Variants in SPATA31D4 observed in about 807,000 individuals in gnomAD.
SPATA31D4 encodes the protein SPATA31 subfamily D member 4.
For missense variants in SPATA31D4, 73 were observed against 279.1 expected, an observed-to-expected ratio of 0.26 and a Z score of 5.26; for synonymous variants, 23 against 102.8, an observed-to-expected ratio of 0.22 and a Z score of 4.70.
chr9:81,932,854 A>G lies in SPATA31D4; in HGVS notation c.2693A>G (p.Lys898Arg), dbSNP rs1426296502. ...TCCTTCCTTAGTTCCAACAAACAAA[A>G]GATGTTGGAAGCCCATATTAAATCT... Reference protein sequence around the residue: ...EMSFLSSNKQKMLEAHIKSFH... With the variant: ...EMSFLSSNKQRMLEAHIKSFH... Residue 898 changes from lysine to arginine, a missense_variant, in exon 4 of 4, where the codon AAG becomes AGG. Coordinates refer to ENST00000419782, the MANE Select transcript of SPATA31D4 (RefSeq NM_001145197.1). 1.3e-6 allele frequency: 2 copies of G among 1,509,326 alleles called. No homozygotes were observed. Among genetic ancestry groups the G allele is most frequent in the African/African-American group, 1.4e-5 (1 of 70,374 alleles). The allele number at this position is 1,509,326 out of a possible 1,614,324, so 93.5% of individuals were successfully genotyped here. A position where few individuals can be genotyped will look rare whatever the true frequency, so the allele number is the denominator to read the frequency against.
intron 3 of SPATA31D4, 38 bp downstream of exon 3, chr9:81,930,198 C>CTTA (rs1199158406): frequency 1.9e-4 from 81 of 428,458 alleles, no homozygotes; most frequent in Non-Finnish European, 2.3e-4. Flanking sequence ...TTCCCACCGC[C>CTTA]TTCTTTTTTT....
chr9:81,932,339 TG>T lies in SPATA31D4; in HGVS notation c.2180del (p.Gly727ValfsTer3). The T allele has an allele frequency of 9.4e-7, 1 of 1,062,802 alleles. No individual in the cohort carries two copies. The highest frequency in any genetic ancestry group is 1.3e-6 in the Non-Finnish European group (1 of 760,266). 65.8% of individuals were successfully genotyped at this position (1,062,802 alleles called of 1,614,324 possible). On this transcript the variant is annotated frameshift_variant, in exon 4 of 4. Transcript: ENST00000419782. LOFTEE classifies it low-confidence loss of function (END_TRUNC). The stretch of plus-strand genomic sequence containing the variant: ...AGCTATCTGTGTCAGAGAGCATTCA[TG>T]GTCCATTAAATATCTCTTTGGTTGA... Reference protein sequence around the residue: ...SELSVSESIHGPLNISLVEGQ... With the variant: ...SELSVSESIHXPLNISLVEGQ...
rs568369649 is a variant in SPATA31D4, at chr9:81,932,937, G to T, written c.*22G>T. ...ATGAGGATGCTGTGGGGCCTTCCCC[G>T]CAAGATCCGTGAACCCATAGAAATC... is the stretch of plus-strand genomic sequence containing the variant. On this transcript the variant is annotated 3_prime_UTR_variant, in exon 4 of 4. Coordinates refer to ENST00000419782, the MANE Select transcript of SPATA31D4 (RefSeq NM_001145197.1). The T allele has an allele frequency of 1.3e-6, 2 of 1,505,496 alleles. No individual in the cohort carries two copies. Among genetic ancestry groups the T allele is most frequent in the Non-Finnish European group, 1.8e-6 (2 of 1,102,376 alleles). The allele number at this position is 1,505,496 out of a possible 1,614,324, so 93.3% of individuals were successfully genotyped here. A position where few individuals can be genotyped will look rare whatever the true frequency, so the allele number is the denominator to read the frequency against.
intron 3 of SPATA31D4, 72 bp downstream of exon 3, chr9:81,930,232 T>A (rs1218851026): frequency 3.0e-4 from 146 of 480,896 alleles, no homozygotes; most frequent in South Asian, 2.9e-3. Context: ...TTTTGCATGT[T>A]CTATTCATTT....
rs769036196 is a variant in SPATA31D4, at chr9:81,932,828, G to T, written c.2667G>T (p.Met889Ile). The T allele has an allele frequency of 1.0e-5, 16 of 1,530,878 alleles. 1 individual carries two copies. Among genetic ancestry groups the T allele is most frequent in the Non-Finnish European group, 1.3e-5 (15 of 1,117,446 alleles). The allele number at this position is 1,530,878 out of a possible 1,614,324, so 94.8% of individuals were successfully genotyped here. The change falls in exon 4 of 4, where the codon ATG becomes ATT. Residue 889 changes from methionine to isoleucine, a missense_variant. Physicochemically the swap from Met to Ile is conservative, Grantham distance 10 (BLOSUM62 1). Coordinates refer to ENST00000419782, the MANE Select transcript of SPATA31D4 (RefSeq NM_001145197.1). Reference protein sequence around the residue: ...EDHGVDTSQEMSFLSSNKQKM... With the variant: ...EDHGVDTSQEISFLSSNKQKM... Reference sequence around the variant, plus strand: ...ACGGCGTTGATACCTCCCAGGAGATGTCCTTCCTTAGTTCCAACAAACAAA... The same window carrying T: ...ACGGCGTTGATACCTCCCAGGAGATTTCCTTCCTTAGTTCCAACAAACAAA...
Position 81,934,580 on chromosome 9 carries a change from C to A in SPATA31D4, c.*1665C>A. Reference sequence around the variant, plus strand: ...AGTGCAGGTCAGAGCAGAGCCCTTCCAGGGCTATCCCCGCAACTACACAGC... The same window carrying A: ...AGTGCAGGTCAGAGCAGAGCCCTTCAAGGGCTATCCCCGCAACTACACAGC... On this transcript the variant is annotated 3_prime_UTR_variant, in exon 4 of 4. Transcript: ENST00000419782. 3.2e-6 allele frequency: 3 copies of A among 928,184 alleles called. 1 individual carries two copies. The South Asian group carries it at 4.1e-5, about 13-fold the overall frequency. The allele number at this position is 928,184 out of a possible 1,614,324, so 57.5% of individuals were successfully genotyped here.
Position 81,932,815 on chromosome 9 carries a change from C to A in SPATA31D4, c.2654C>A (p.Thr885Asn), listed in dbSNP as rs757693594. ...ALVSEDHGVD[T>N]SQEMSFLSSN... ...GTGAGTGAGGACCACGGCGTTGATA[C>A]CTCCCAGGAGATGTCCTTCCTTAGT... is the stretch of plus-strand genomic sequence containing the variant. The change falls in exon 4 of 4, where the codon ACC becomes AAC. Residue 885 changes from threonine to asparagine, a missense_variant. By Grantham distance (65) the Thr-to-Asn change is moderately conservative. Coordinates refer to ENST00000419782, the MANE Select transcript of SPATA31D4 (RefSeq NM_001145197.1). 241 of 1,533,314 alleles carry A rather than the reference C, an allele frequency of 1.6e-4. 18 individuals carry two copies. In the East Asian group the frequency reaches 5.4e-3, roughly 34 times the overall value. The allele number at this position is 1,533,314 out of a possible 1,614,324, so 95.0% of individuals were successfully genotyped here.
Position 81,933,108 on chromosome 9 carries a change from C to G in SPATA31D4, c.*193C>G, listed in dbSNP as rs952359853. On this transcript the variant is annotated 3_prime_UTR_variant, in exon 4 of 4. Coordinates refer to ENST00000419782, the MANE Select transcript of SPATA31D4 (RefSeq NM_001145197.1). The stretch of plus-strand genomic sequence containing the variant: ...TTTCAAGGAGAAAAGTTGGGAACAA[C>G]AAGCTCAGTCCCTGTCCTTAATCAT... 1 of 1,240,970 alleles carries G rather than the reference C, an allele frequency of 8.1e-7. No individual in the cohort carries two copies. The highest frequency in any genetic ancestry group is 1.4e-5 in the African/African-American group (1 of 69,126). The allele number at this position is 1,240,970 out of a possible 1,614,324, so 76.9% of individuals were successfully genotyped here.
chr9:81,932,820 C>A lies in SPATA31D4; in HGVS notation c.2659C>A (p.Gln887Lys), dbSNP rs780020003. 1.6e-5 allele frequency: 24 copies of A among 1,532,314 alleles called. 4 individuals are homozygous for A. The highest frequency in any genetic ancestry group is 2.1e-5 in the Non-Finnish European group (24 of 1,118,198). The allele number at this position is 1,532,314 out of a possible 1,614,324, so 94.9% of individuals were successfully genotyped here. The change falls in exon 4 of 4, where the codon CAG becomes AAG. Residue 887 changes from glutamine to lysine, a missense_variant. Physicochemically the swap from Gln to Lys is moderately conservative, Grantham distance 53. Transcript: ENST00000419782. ...VSEDHGVDTSQEMSFLSSNKQ... is the reference protein window; with the variant it reads ...VSEDHGVDTSKEMSFLSSNKQ... ...TGAGGACCACGGCGTTGATACCTCC[C>A]AGGAGATGTCCTTCCTTAGTTCCAA...
rs1382123045 is a variant in SPATA31D4, at chr9:81,933,331, C to T, written c.*416C>T. Reference sequence around the variant, plus strand: ...TCTCCATCTTGGGTCATCCTCACCTCGTCACCTCACCTGTTGATCAAGAAA... The same window carrying T: ...TCTCCATCTTGGGTCATCCTCACCTTGTCACCTCACCTGTTGATCAAGAAA... On this transcript the variant is annotated 3_prime_UTR_variant, in exon 4 of 4. Transcript: ENST00000419782. The T allele has an allele frequency of 7.9e-5, 17 of 215,648 alleles. No homozygotes were observed. The highest frequency in any genetic ancestry group is 2.3e-4 in the Admixed American group (3 of 12,944). 13.4% of individuals were successfully genotyped at this position (215,648 alleles called of 1,614,324 possible). A position where few individuals can be genotyped will look rare whatever the true frequency, so the allele number is the denominator to read the frequency against.
Position 81,933,398 on chromosome 9 carries a change from G to A in SPATA31D4, c.*483G>A. 7.7e-6 allele frequency: 1 copy of A among 130,528 alleles called. No individual in the cohort carries two copies. The highest frequency in any genetic ancestry group is 1.4e-5 in the Non-Finnish European group (1 of 72,282). The allele number at this position is 130,528 out of a possible 1,614,324, so 8.1% of individuals were successfully genotyped here. ...AAGAGAATTCGCTGATACTGACGAG[G>A]ATCTTACAGAAAGTGTCTGGACAAC... On this transcript the variant is annotated 3_prime_UTR_variant, in exon 4 of 4. Transcript: ENST00000419782.
rs778137387 is a variant in SPATA31D4 at position 81,932,764 on chromosome 9, T to C, written c.2603T>C (p.Ile868Thr). Residue 868 changes from isoleucine to threonine, a missense_variant, in exon 4 of 4, where the codon ATT becomes ACT. Transcript: ENST00000419782. ...CTTCCTGAGAAATCCCACAGCCAAA[T>C]TAAACATCGAAATTTGGCAGCATTG... Reference protein sequence around the residue: ...ICLPEKSHSQIKHRNLAALVS... With the variant: ...ICLPEKSHSQTKHRNLAALVS... 1 of 1,531,598 alleles carries C rather than the reference T, an allele frequency of 6.5e-7. No homozygotes were observed. Among genetic ancestry groups the C allele is most frequent in the Non-Finnish European group, 8.9e-7 (1 of 1,118,228 alleles). 94.9% of individuals were successfully genotyped at this position (1,531,598 alleles called of 1,614,324 possible). A position where few individuals can be genotyped will look rare whatever the true frequency, so the allele number is the denominator to read the frequency against.
chr9:81,934,169 A>C lies in SPATA31D4; in HGVS notation c.*1254A>C, dbSNP rs1385676974. 1.3e-5 allele frequency: 5 copies of C among 394,722 alleles called. 1 individual carries two copies. Among genetic ancestry groups the C allele is most frequent in the Non-Finnish European group, 2.5e-5 (5 of 202,328 alleles). 24.5% of individuals were successfully genotyped at this position (394,722 alleles called of 1,614,324 possible). A position where few individuals can be genotyped will look rare whatever the true frequency, so the allele number is the denominator to read the frequency against. ...GTTGGGGACATCCCAACTCACTAGA[A>C]AGAGCCTCCCTGTTCATAACAAGGC... On this transcript the variant is annotated 3_prime_UTR_variant, in exon 4 of 4. Coordinates refer to ENST00000419782, the MANE Select transcript of SPATA31D4 (RefSeq NM_001145197.1).
In SPATA31D4 at chr9:81,932,814, A is replaced by G. The variant is rs1434907000; in HGVS notation, c.2653A>G (p.Thr885Ala). The G allele has an allele frequency of 6.5e-7, 1 of 1,532,690 alleles. No individual in the cohort carries two copies. The allele number at this position is 1,532,690 out of a possible 1,614,324, so 94.9% of individuals were successfully genotyped here. ...ALVSEDHGVD[T>A]SQEMSFLSSN... Reference sequence around the variant, plus strand: ...GGTGAGTGAGGACCACGGCGTTGATACCTCCCAGGAGATGTCCTTCCTTAG... The same window carrying G: ...GGTGAGTGAGGACCACGGCGTTGATGCCTCCCAGGAGATGTCCTTCCTTAG... The change falls in exon 4 of 4, where the codon ACC (threonine) becomes GCC (alanine). Residue 885 changes from threonine (T) to alanine (A), a missense_variant. By Grantham distance (58) the Thr-to-Ala change is moderately conservative. Coordinates refer to ENST00000419782, the MANE Select transcript of SPATA31D4 (RefSeq NM_001145197.1).
Position 81,932,997 on chromosome 9 carries a change from C to T in SPATA31D4, c.*82C>T, listed in dbSNP as rs1427874704. ...GAAGAGGATATTTCCAATTCCTTTT[C>T]CCATTTCTACCTTCCCTCCTCAGCC... On this transcript the variant is annotated 3_prime_UTR_variant, in exon 4 of 4. Transcript: ENST00000419782. 1.4e-6 allele frequency: 2 copies of T among 1,442,402 alleles called. No individual in the cohort carries two copies. Among genetic ancestry groups the T allele is most frequent in the South Asian group, 1.3e-5 (1 of 79,308 alleles). 89.4% of individuals were successfully genotyped at this position (1,442,402 alleles called of 1,614,324 possible). A position where few individuals can be genotyped will look rare whatever the true frequency, so the allele number is the denominator to read the frequency against.
Position 81,932,719 on chromosome 9 carries a change from C to G in SPATA31D4, c.2558C>G (p.Ser853Ter), listed in dbSNP as rs1459386478. Residue 853 changes from serine (S) to a stop codon, truncating the protein, a stop_gained, in exon 4 of 4, where the codon TCA becomes TGA. Transcript: ENST00000419782. LOFTEE classifies it low-confidence loss of function (END_TRUNC). ...MPGTVHSSWH[S>*]VKQTICLPEK... is the part of the protein sequence containing the mutation. ...GGGACTGTGCATAGTTCATGGCACT[C>G]AGTCAAGCAGACAATATGTCTTCCT... 6.6e-7 allele frequency: 1 copy of G among 1,517,576 alleles called. No homozygotes were observed. Among genetic ancestry groups the G allele is most frequent in the East Asian group, 2.3e-5 (1 of 43,410 alleles). 94.0% of individuals were successfully genotyped at this position (1,517,576 alleles called of 1,614,324 possible).
chr9:81,934,558 G>T lies in SPATA31D4; in HGVS notation c.*1643G>T. 13 of 786,246 alleles carry T rather than the reference G, an allele frequency of 1.7e-5. 3 individuals carry two copies. The highest frequency in any genetic ancestry group is 2.6e-5 in the Non-Finnish European group (13 of 503,942). The allele number at this position is 786,246 out of a possible 1,614,324, so 48.7% of individuals were successfully genotyped here. ...GGAAAGCTCAGCACAACCCAGAAGT[G>T]CAGGTCAGAGCAGAGCCCTTCCAGG... On this transcript the variant is annotated 3_prime_UTR_variant, in exon 4 of 4. Coordinates refer to ENST00000419782, the MANE Select transcript of SPATA31D4 (RefSeq NM_001145197.1).
rs773133817 is a variant in SPATA31D4, at chr9:81,932,836, T to A, written c.2675T>A (p.Leu892His). The A allele has an allele frequency of 6.5e-7, 1 of 1,528,220 alleles. No homozygotes were observed. The highest frequency in any genetic ancestry group is 9.0e-7 in the Non-Finnish European group (1 of 1,116,058). The allele number at this position is 1,528,220 out of a possible 1,614,324, so 94.7% of individuals were successfully genotyped here. A position where few individuals can be genotyped will look rare whatever the true frequency, so the allele number is the denominator to read the frequency against. Reference protein sequence around the residue: ...GVDTSQEMSFLSSNKQKMLEA... With the variant: ...GVDTSQEMSFHSSNKQKMLEA... The stretch of plus-strand genomic sequence containing the variant: ...GATACCTCCCAGGAGATGTCCTTCC[T>A]TAGTTCCAACAAACAAAAGATGTTG... Residue 892 changes from leucine to histidine, a missense_variant, in exon 4 of 4, where the codon CTT (leucine) becomes CAT (histidine). Coordinates refer to ENST00000419782, the MANE Select transcript of SPATA31D4 (RefSeq NM_001145197.1).
rs201264172 is a variant in SPATA31D4 at position 81,934,747 on chromosome 9, G to A, written c.*1832G>A. The stretch of plus-strand genomic sequence containing the variant: ...TTGAGGCATTTAAGGGGAAGATATT[G>A]TATCAAAGGCATCCCCAATCCATGC... On this transcript the variant is annotated 3_prime_UTR_variant, in exon 4 of 4. Transcript: ENST00000419782. 2.5e-4 allele frequency: 151 copies of A among 599,408 alleles called. No individual in the cohort carries two copies. The East Asian group carries it at 4.4e-3, about 17-fold the overall frequency. The allele number at this position is 599,408 out of a possible 1,614,324, so 37.1% of individuals were successfully genotyped here. A position where few individuals can be genotyped will look rare whatever the true frequency, so the allele number is the denominator to read the frequency against.
Sources: gnomAD v4.1 joint callset for allele counts on GRCh38, gnomAD v4.1.1 for gene constraint, MANE v1.5 for transcripts, NCBI Gene and HGNC (gene_info 2026-07-23, HGNC 2026-07-21) for gene names.